The following PIK3C2G variants were observed in gnomAD, a reference collection of about 807,000 sequenced individuals.
PIK3C2G encodes the protein phosphatidylinositol-4-phosphate 3-kinase catalytic subunit type 2 gamma, also known as phosphatidylinositol 3-kinase C2 domain-containing subunit gamma.
A neutral mutation model predicts 181.1 loss-of-function variants in PIK3C2G; 168 were observed. That is an observed-to-expected ratio of 0.93 (90% CI 0.82 to 1.05). PIK3C2G has a LOEUF of 1.05. Ranked by LOEUF, PIK3C2G falls within the 50% of genes least tolerant of loss-of-function variation. PIK3C2G has a pLI of 0.00. For synonymous variants in PIK3C2G, 573 were observed against 592.2 expected (o/e 0.97, Z 0.47); for missense variants, 1,869 against 1,732.8 (o/e 1.08, Z -1.40).
At chr12:18,695,351 A>T in the PIK3C2G span, among the ~76,000 whole-genome samples, 1 of 152,320 alleles carries the variant, frequency 6.6e-6, no homozygotes, top group Non-Finnish European at 1.5e-5. Flanking sequence ...AGATTACAGA[A>T]TAACAATGTT....
downstream of PIK3C2G, among the ~76,000 whole-genome samples, chr12:18,650,704 G>GTATATA (rs1361372584): frequency 1.0e-4 from 6 of 57,764 alleles, no homozygotes; most frequent in Admixed American, 1.6e-4. Context: ...GTGTGTGTGT[G>GTATATA]TATATATCTA....
chr12:18,435,026 A>G (rs1221956539), intron 18 of PIK3C2G, among the ~76,000 whole-genome samples: 2 of 151,210 alleles, frequency 1.3e-5, no homozygotes, highest in Non-Finnish European at 2.9e-5. Context: ...TTATTAAGAT[A>G]TTTATGTAGC....
At chr12:18,414,532 G>C (rs1945058965) in intron 16 of PIK3C2G, among the ~76,000 whole-genome samples, 1 of 151,706 alleles carries the variant, frequency 6.6e-6, no homozygotes, top group Admixed American at 6.6e-5. Flanking sequence ...TATTTTTAAG[G>C]AATGCATATA....
chr12:18,659,874 C>T, the PIK3C2G span, among the ~76,000 whole-genome samples: 2 of 152,080 alleles, frequency 1.3e-5, no homozygotes, highest in Non-Finnish European at 2.9e-5. Flanking sequence ...TGCTAGTTGA[C>T]TTACTCTATA....
chr12:18,628,136 C>A (rs1478609588), intron 31 of PIK3C2G, among the ~76,000 whole-genome samples: 1 of 152,006 alleles, frequency 6.6e-6, no homozygotes, highest in Non-Finnish European at 1.5e-5. Context: ...TATAGAAAAA[C>A]CTCCTCAATA....
At chr12:18,414,672 C>A (rs1415976762) in intron 16 of PIK3C2G, among the ~76,000 whole-genome samples, 1 of 151,814 alleles carries the variant, frequency 6.6e-6, no homozygotes, top group Non-Finnish European at 1.5e-5. Context: ...AAATAAATTC[C>A]CAAAAGGTAA....
intron 25 of PIK3C2G, among the ~76,000 whole-genome samples, 182 bp downstream of exon 25, chr12:18,538,494 G>A (rs140457495): frequency 1.1e-3 from 174 of 151,902 alleles, no homozygotes; most frequent in African/African-American, 3.9e-3. Context: ...TAATATGTTC[G>A]TTCATAGTTA....
intron 22 of PIK3C2G, among the ~76,000 whole-genome samples, chr12:18,499,802 C>A (rs1435445875): frequency 3.9e-5 from 6 of 152,214 alleles, no homozygotes; most frequent in Non-Finnish European, 5.9e-5. Flanking sequence ...TCCCTAAGAG[C>A]CTTGCTACTT....
At chr12:18,342,652 T>A (rs1053515955) in intron 9 of PIK3C2G, among the ~76,000 whole-genome samples, 1 of 151,892 alleles carries the variant, frequency 6.6e-6, no homozygotes, top group Admixed American at 6.6e-5. Flanking sequence ...ATAGTTTAGT[T>A]ACAACCAGCA....
At chr12:18,635,213 T>C (rs482703) in intron 31 of PIK3C2G, among the ~76,000 whole-genome samples, 57,139 of 152,152 alleles carry the variant, frequency 0.38, 12,537 homozygotes, top group Admixed American at 0.53. Context: ...TTTCTTTCTC[T>C]TCCTCTGTCA....
At chr12:18,590,422 T>A (rs1947017437) in intron 29 of PIK3C2G, among the ~76,000 whole-genome samples, 1 of 151,942 alleles carries the variant, frequency 6.6e-6, no homozygotes, top group Non-Finnish European at 1.5e-5. Context: ...GGGTACCCTC[T>A]GTTTTTATTA....
At chr12:18,334,074 G>T (rs536742174) in intron 8 of PIK3C2G, among the ~76,000 whole-genome samples, 1 of 152,178 alleles carries the variant, frequency 6.6e-6, no homozygotes, top group African/African-American at 2.4e-5. Flanking sequence ...TATTTCCAAC[G>T]ATAAGCTTAG....
At chr12:18,649,885 C>A (rs1275934320), downstream of PIK3C2G, among the ~76,000 whole-genome samples, 1 of 151,896 alleles carries the variant, frequency 6.6e-6, no homozygotes, top group Admixed American at 6.6e-5. Flanking sequence ...CTTTTTGTTT[C>A]TCCTTCTTAG....
chr12:18,535,781 T>C (rs1415530156), intron 24 of PIK3C2G, among the ~76,000 whole-genome samples: 1 of 152,090 alleles, frequency 6.6e-6, no homozygotes, highest in Non-Finnish European at 1.5e-5. Context: ...ATGATATTGC[T>C]AAAACTCTAC....
At chr12:18,430,831 G>C (rs887890596) in intron 18 of PIK3C2G, among the ~76,000 whole-genome samples, 1 of 152,146 alleles carries the variant, frequency 6.6e-6, no homozygotes, top group Non-Finnish European at 1.5e-5. Context: ...TACCAGTTGA[G>C]AAAACCACGA....
intron 24 of PIK3C2G, among the ~76,000 whole-genome samples, chr12:18,516,555 T>C (rs1942560220): frequency 6.6e-6 from 1 of 152,134 alleles, no homozygotes; most frequent in Admixed American, 6.6e-5. Context: ...TCCTTAAATA[T>C]GCTTCCTAGA....
intron 22 of PIK3C2G, among the ~76,000 whole-genome samples, chr12:18,502,495 C>G (rs1347564330): frequency 6.6e-6 from 1 of 152,178 alleles, no homozygotes; most frequent in East Asian, 1.9e-4. Context: ...ATTTATAATA[C>G]TGTACTTTGC....
rs1286838578 is a variant in PIK3C2G, at chr12:18,563,463, A to G, written c.3867A>G (p.Gln1289=). The change falls in exon 28 of 33, where the codon CAA becomes CAG. Residue 1289 remains glutamine, a synonymous_variant. Transcript: ENST00000538779. ...SFEQFSKLHS[Q]LQKQFASLTL... ...AGCAGTTTTCAAAACTTCACAGCCA[A>G]CTTCAGAAGCAGTTTGCATCACTGA... 6.2e-7 allele frequency: 1 copy of G among 1,613,722 alleles called. No homozygotes were observed. The highest frequency in any genetic ancestry group is 1.3e-5 in the African/African-American group (1 of 74,914).
At chr12:18,606,829 T>C (rs1948049300) in intron 30 of PIK3C2G, among the ~76,000 whole-genome samples, 1 of 152,104 alleles carries the variant, frequency 6.6e-6, no homozygotes, top group South Asian at 2.1e-4. Context: ...AGGGAAATAT[T>C]AGTAAAACTA....
Sources: allele counts gnomAD v4.1 joint callset (sites outside exome capture counted in the v4.1 genomes callset), GRCh38; gene constraint gnomAD v4.1.1; transcripts MANE v1.5; gene names NCBI Gene and HGNC (gene_info 2026-07-23, HGNC 2026-07-21).